Variants in CDK8 observed in about 807,000 individuals in gnomAD.
CDK8 encodes the protein cyclin dependent kinase 8, also known as cyclin-dependent kinase 8.
Under a neutral mutation model 71.5 loss-of-function variants are expected in CDK8, and 29 were observed. The observed-to-expected ratio is 0.41, with a 90% CI of 0.30 to 0.55. CDK8 has a LOEUF of 0.55. Among genes scored for constraint, CDK8 ranks in the 20% least tolerant of loss-of-function variants. CDK8 has a pLI of 0.37. For missense variants in CDK8, 288 were observed against 572.6 expected, an observed-to-expected ratio of 0.50 and a Z score of 5.07; for synonymous variants, 161 against 192.1, an observed-to-expected ratio of 0.84 and a Z score of 1.34.
chr13:26,367,747 A>C (rs1874458640), intron 4 of CDK8, among the ~76,000 whole-genome samples: 1 of 152,220 alleles, frequency 6.6e-6, no homozygotes, highest in Admixed American at 6.5e-5. Flanking sequence ...TAGCTTACTG[A>C]ATGAATAAGT....
At chr13:26,393,943 G>A (rs992476528) in intron 7 of CDK8, among the ~76,000 whole-genome samples, 6 of 151,898 alleles carry the variant, frequency 4.0e-5, no homozygotes, top group Non-Finnish European at 8.8e-5. Flanking sequence ...TCTATTTAGG[G>A]CACTATACAG....
chr13:26,364,039 C>G (rs1417460506), intron 4 of CDK8, among the ~76,000 whole-genome samples: 2 of 152,124 alleles, frequency 1.3e-5, no homozygotes, highest in Non-Finnish European at 2.9e-5. Flanking sequence ...GGTGTATTTT[C>G]TTATTGTCTG....
chr13:26,381,187 C>T (rs1875209408), intron 4 of CDK8, among the ~76,000 whole-genome samples: 1 of 152,190 alleles, frequency 6.6e-6, no homozygotes, highest in Non-Finnish European at 1.5e-5. Flanking sequence ...GAAGTTTCTT[C>T]CTGAGCCCAC....
intron 1 of CDK8, among the ~76,000 whole-genome samples, chr13:26,327,432 T>C (rs985153507): frequency 2.6e-5 from 4 of 152,212 alleles, no homozygotes; most frequent in Non-Finnish European, 5.9e-5. Flanking sequence ...AGCTTTGTTA[T>C]TCTGAATTTG....
chr13:26,267,081 T>G (rs904806019), intron 1 of CDK8, among the ~76,000 whole-genome samples: 2 of 152,250 alleles, frequency 1.3e-5, no homozygotes, highest in Admixed American at 6.5e-5. Context: ...CATCTTTCCA[T>G]GTTGGTAAAC....
chr13:26,336,244 T>C (rs1872977886), intron 1 of CDK8, among the ~76,000 whole-genome samples: 1 of 152,184 alleles, frequency 6.6e-6, no homozygotes, highest in Non-Finnish European at 1.5e-5. Context: ...TCAACACTAT[T>C]TTTGTAATAA....
intron 1 of CDK8, among the ~76,000 whole-genome samples, chr13:26,302,391 T>G (rs573243344): frequency 1.3e-5 from 2 of 152,258 alleles, no homozygotes; most frequent in Non-Finnish European, 2.9e-5. Flanking sequence ...TATGAACCAA[T>G]TGATATGGAT....
intron 1 of CDK8, among the ~76,000 whole-genome samples, chr13:26,317,240 T>G (rs577402320): frequency 6.6e-6 from 1 of 152,208 alleles, no homozygotes; most frequent in Admixed American, 6.5e-5. Context: ...AGATTATATA[T>G]TAGTACAGAA....
rs775374947 is a variant in CDK8 at position 26,397,112 on chromosome 13, C to T, written c.861-41C>T. 12 of 1,172,590 alleles carry T rather than the reference C, an allele frequency of 1.0e-5. No homozygotes were observed. In the Admixed American group the frequency reaches 2.1e-4, roughly 21 times the overall value. The allele number at this position is 1,172,590 out of a possible 1,614,324, so 72.6% of individuals were successfully genotyped here. On this transcript the variant is annotated intron_variant, in intron 8 of 12. Coordinates refer to ENST00000381527, the MANE Select transcript of CDK8 (RefSeq NM_001260.3). ...GGACTTTAGCCAATGTACAATTAAC[C>T]TCAAGTCTAATATAGCTATTTCATA...
chr13:26,366,605 CT>C (rs1874401021), intron 4 of CDK8, among the ~76,000 whole-genome samples: 1 of 152,068 alleles, frequency 6.6e-6, no homozygotes, highest in African/African-American at 2.4e-5. Flanking sequence ...AGATTTTTAT[CT>C]TACTAAAAGT....
chr13:26,263,893 C>T (rs1871902703), intron 1 of CDK8, among the ~76,000 whole-genome samples: 1 of 151,978 alleles, frequency 6.6e-6, no homozygotes, highest in South Asian at 2.1e-4. Context: ...ACTACAGGCG[C>T]CCGCCACTAC....
intron 1 of CDK8, among the ~76,000 whole-genome samples, chr13:26,310,959 C>T (rs908889551): frequency 1.3e-5 from 2 of 152,134 alleles, no homozygotes; most frequent in East Asian, 1.9e-4. Flanking sequence ...TCCCTACCCA[C>T]CCACAACATC....
At chr13:26,267,673 C>T (rs957559800) in intron 1 of CDK8, among the ~76,000 whole-genome samples, 1 of 152,262 alleles carries the variant, frequency 6.6e-6, no homozygotes, top group South Asian at 2.1e-4. Context: ...TTTATCAGTT[C>T]ATCGTTTTGT....
intron 3 of CDK8, among the ~76,000 whole-genome samples, chr13:26,353,285 T>C (rs1313184394): frequency 2.6e-5 from 4 of 152,218 alleles, no homozygotes; most frequent in African/African-American, 9.6e-5. Context: ...TCTTTGTGCT[T>C]GTGTGTATTT....
chr13:26,266,761 A>AT (rs1446042185), intron 1 of CDK8, among the ~76,000 whole-genome samples: 1 of 152,188 alleles, frequency 6.6e-6, no homozygotes, highest in Non-Finnish European at 1.5e-5. Context: ...CATCACTGCC[A>AT]TTCCTGTTTC....
intron 4 of CDK8, among the ~76,000 whole-genome samples, chr13:26,367,516 C>T (rs1051324954): frequency 9.2e-5 from 14 of 152,134 alleles, no homozygotes; most frequent in Non-Finnish European, 1.5e-5. Context: ...CTGTCTGTCA[C>T]TTTTCTCAGC....
At chr13:26,330,428 C>T (rs914263083) in intron 1 of CDK8, among the ~76,000 whole-genome samples, 1 of 152,182 alleles carries the variant, frequency 6.6e-6, no homozygotes, top group African/African-American at 2.4e-5. Context: ...TGGCCTCAAA[C>T]TCCTGACCTC....
At chr13:26,289,850 G>A (rs1400587942) in intron 1 of CDK8, among the ~76,000 whole-genome samples, 11 of 152,028 alleles carry the variant, frequency 7.2e-5, no homozygotes, top group Admixed American at 2.0e-4. Context: ...GTGCCCGGCC[G>A]AAATTTGCTT....
At chr13:26,346,023 T>C (rs1873448749) in intron 2 of CDK8, among the ~76,000 whole-genome samples, 1 of 152,206 alleles carries the variant, frequency 6.6e-6, no homozygotes, top group African/African-American at 2.4e-5. Context: ...AATCCATTCC[T>C]CTAGGATGTT....
Sources: gnomAD v4.1 joint callset for allele counts (sites outside exome capture counted in the v4.1 genomes callset) on GRCh38, gnomAD v4.1.1 for gene constraint, MANE v1.5 for transcripts, NCBI Gene and HGNC (gene_info 2026-07-23, HGNC 2026-07-21) for gene names.